The following SPATA13 variants were observed in gnomAD, a reference collection of about 807,000 sequenced individuals.
SPATA13 encodes spermatogenesis associated 13, also known as spermatogenesis-associated protein 13.
SPATA13 carries 50 observed loss-of-function variants against 104.0 expected under a neutral mutation model. The ratio of observed to expected loss-of-function variants is 0.48; its 90% CI spans 0.38 to 0.61. SPATA13 has a LOEUF of 0.61. Among genes scored for constraint, SPATA13 ranks in the 20% least tolerant of loss-of-function variants. The pLI is 0.00. For synonymous variants in SPATA13, 606 were observed against 667.5 expected, an observed-to-expected ratio of 0.91 and a Z score of 1.42; for missense variants, 1,524 against 1,690.6, an observed-to-expected ratio of 0.90 and a Z score of 1.73.
chr13:24,279,999 G>A (rs1875378024), intron 4 of SPATA13, among the ~76,000 whole-genome samples: 1 of 152,204 alleles, frequency 6.6e-6, no homozygotes, highest in South Asian at 2.1e-4. Flanking sequence ...ACCTCAGCCA[G>A]AGTTGTCTTT....
intron 4 of SPATA13, among the ~76,000 whole-genome samples, chr13:24,264,635 T>C (rs1189603044): frequency 6.6e-6 from 1 of 152,246 alleles, no homozygotes; most frequent in Non-Finnish European, 1.5e-5. Flanking sequence ...TTGCCTTCTA[T>C]TAAGACAAAG....
chr13:24,163,943 C>T (rs187731759), intron 1 of SPATA13, among the ~76,000 whole-genome samples: 4 of 152,290 alleles, frequency 2.6e-5, no homozygotes, highest in African/African-American at 7.2e-5. Flanking sequence ...TGTCTGAAAA[C>T]TAAACATTTA....
At chr13:23,992,282 A>C (rs1377923603) in intron 2 of SPATA13, among the ~76,000 whole-genome samples, 1 of 152,208 alleles carries the variant, frequency 6.6e-6, no homozygotes, top group Admixed American at 6.5e-5. Context: ...TTGTGTACTT[A>C]GGTCTCTGTG....
intron 1 of SPATA13, among the ~76,000 whole-genome samples, chr13:24,178,904 A>G (rs896959015): frequency 6.6e-6 from 1 of 152,210 alleles, no homozygotes; most frequent in Non-Finnish European, 1.5e-5. Context: ...CCCCTCCGAA[A>G]GGAAACCCTG....
chr13:24,199,130 C>G (rs1870256975), intron 1 of SPATA13, among the ~76,000 whole-genome samples: 1 of 152,040 alleles, frequency 6.6e-6, no homozygotes, highest in Non-Finnish European at 1.5e-5. Flanking sequence ...CTCAAGCGAT[C>G]CGCCCGTCTT....
At chr13:24,260,031 G>A (rs1873979271) in intron 4 of SPATA13, among the ~76,000 whole-genome samples, 1 of 152,108 alleles carries the variant, frequency 6.6e-6, no homozygotes, top group African/African-American at 2.4e-5. Context: ...TATAAATGAG[G>A]CACAGTACCA....
chr13:24,266,582 T>A (rs541770156), intron 4 of SPATA13, among the ~76,000 whole-genome samples: 1 of 151,278 alleles, frequency 6.6e-6, no homozygotes, highest in African/African-American at 2.4e-5. Context: ...CCACACACAA[T>A]CTTCAGTGTT....
intron 1 of SPATA13, among the ~76,000 whole-genome samples, 196 bp from the exon 2 acceptor site, chr13:24,222,623 C>T (rs1033518602): frequency 6.6e-6 from 1 of 152,176 alleles, no homozygotes; most frequent in Non-Finnish European, 1.5e-5. Context: ...CATAATTACC[C>T]TTCTCTGTCC....
At chr13:24,172,773 T>C (rs1163596093) in intron 1 of SPATA13, among the ~76,000 whole-genome samples, 1 of 152,226 alleles carries the variant, frequency 6.6e-6, no homozygotes, top group African/African-American at 2.4e-5. Context: ...CATCTTGAAA[T>C]TGGATAGACC....
At position 24,302,943 on chromosome 13, in the gene SPATA13, G is replaced by T; in HGVS notation, c.*170G>T. 2.5e-6 allele frequency: 2 copies of T among 813,220 alleles called. No homozygotes were observed. The highest frequency in any genetic ancestry group is 3.9e-6 in the Non-Finnish European group (2 of 517,730). The allele number at this position is 813,220 out of a possible 1,614,324, so 50.4% of individuals were successfully genotyped here. A position where few individuals can be genotyped will look rare whatever the true frequency, so the allele number is the denominator to read the frequency against. ...ATCACCTTCAGTCTTTGGAGACCCA[G>T]CTGCCTTTGTGGAAGGGAGGAGACG... On this transcript the variant is annotated 3_prime_UTR_variant, in exon 13 of 13. Transcript: ENST00000382108.
chr13:24,261,328 A>G (rs893731345), intron 4 of SPATA13, among the ~76,000 whole-genome samples: 10 of 152,174 alleles, frequency 6.6e-5, no homozygotes, highest in Non-Finnish European at 1.0e-4. Context: ...CTAGGAGAAG[A>G]GCATGTTGGT....
At position 24,270,650 on chromosome 13, in the gene SPATA13, C is replaced by CT. The variant is rs1034347506; in HGVS notation, c.2165-13484dup. On this transcript the variant is annotated intron_variant, in intron 4 of 12. Transcript: ENST00000382108. ...GTCCCCCGCAATGTCACTGTAGCCA[C>CT]TAACCCTTGGTCACACGGAGTGTGG... 5.9e-6 allele frequency: 7 copies of CT among 1,193,122 alleles called. No homozygotes were observed. The African/African-American group carries it at 9.2e-5, about 16-fold the overall frequency. The allele number at this position is 1,193,122 out of a possible 1,614,324, so 73.9% of individuals were successfully genotyped here. A position where few individuals can be genotyped will look rare whatever the true frequency, so the allele number is the denominator to read the frequency against.
intron 3 of SPATA13, among the ~76,000 whole-genome samples, chr13:24,144,055 C>A (rs1474107277): frequency 6.6e-6 from 1 of 152,140 alleles, no homozygotes; most frequent in Non-Finnish European, 1.5e-5. Flanking sequence ...TCCCACCACA[C>A]CCCCGACTGT....
intron 3 of SPATA13, among the ~76,000 whole-genome samples, chr13:24,043,886 C>G (rs1348513188): frequency 6.6e-6 from 1 of 152,142 alleles, no homozygotes; most frequent in African/African-American, 2.4e-5. Flanking sequence ...TAAGGACTGC[C>G]AGGGGAGGGG....
rs9578700 is a variant in SPATA13, at chr13:24,303,170, A to G, written c.*397A>G. On this transcript the variant is annotated 3_prime_UTR_variant, in exon 13 of 13. Coordinates refer to ENST00000382108, the MANE Select transcript of SPATA13 (RefSeq NM_001166271.3). ...AGTTCCTAAGGAGTGATGAGGTTAGAGGATCACTTCTGCATTTGATTTTCA... is the reference window on the plus strand; with the variant it reads ...AGTTCCTAAGGAGTGATGAGGTTAGGGGATCACTTCTGCATTTGATTTTCA... 0.36 allele frequency: 139,026 copies of G among 383,320 alleles called. 26,681 individuals carry two copies. The highest frequency in any genetic ancestry group is 0.59 in the East Asian group (8,112 of 13,806). The allele number at this position is 383,320 out of a possible 1,614,324, so 23.7% of individuals were successfully genotyped here.
At chr13:24,287,089 C>T in intron 7 of SPATA13, 139 bp downstream of exon 7, 2 of 710,278 alleles carry the variant, frequency 2.8e-6, no homozygotes, top group Non-Finnish European at 4.5e-6. Flanking sequence ...CTGCTGTCTG[C>T]ACTGCTAAGT....
chr13:24,014,028 C>T (rs571552993), intron 2 of SPATA13, among the ~76,000 whole-genome samples: 4 of 152,160 alleles, frequency 2.6e-5, no homozygotes, highest in Non-Finnish European at 5.9e-5. Context: ...GGGCTGTATA[C>T]GCTTGCTAGG....
intron 3 of SPATA13, among the ~76,000 whole-genome samples, chr13:24,043,478 T>C (rs1878010134): frequency 7.1e-5 from 1 of 14,094 alleles, no homozygotes; most frequent in Admixed American, 1.4e-3. Context: ...TTGATTGATA[T>C]TACACACACA....
At chr13:24,001,790 C>T (rs1033885916) in intron 2 of SPATA13, among the ~76,000 whole-genome samples, 9 of 151,362 alleles carry the variant, frequency 5.9e-5, no homozygotes, top group African/African-American at 1.5e-4. Flanking sequence ...GGGTGGGGGC[C>T]GGGAGGTGAG....
Sources: allele counts gnomAD v4.1 joint callset (sites outside exome capture counted in the v4.1 genomes callset), GRCh38; gene constraint gnomAD v4.1.1; transcripts MANE v1.5; gene names NCBI Gene and HGNC (gene_info 2026-07-23, HGNC 2026-07-21).